The following BMP2K variants were observed in gnomAD, a reference collection of about 807,000 sequenced individuals.
BMP2K encodes BMP2 inducible kinase.
Under a neutral mutation model 116.0 loss-of-function variants are expected in BMP2K, and 74 were observed. The ratio of observed to expected loss-of-function variants is 0.64; its 90% confidence interval spans 0.53 to 0.77. The LOEUF (loss-of-function observed/expected upper bound fraction) is 0.77. Among genes scored for constraint, BMP2K ranks in the 30% least tolerant of loss-of-function variants. The pLI is 0.00. For missense variants in BMP2K, 1,365 were observed against 1,403.6 expected (o/e 0.97, Z 0.44); for synonymous variants, 486 against 502.5 (o/e 0.97, Z 0.44).
chr4:78,871,281 G>C (rs1732344082), intron 11 of BMP2K, among the ~76,000 whole-genome samples: 1 of 152,174 alleles, frequency 6.6e-6, no homozygotes, highest in Non-Finnish European at 1.5e-5. Flanking sequence ...ATGAAGAAAA[G>C]AATGTTCATC....
rs774555300 is a variant in BMP2K at position 78,878,791 on chromosome 4, T to C, written c.1851T>C (p.Asn617=). ...ANFTNQKNIS[N]PPDMSGWNPF... is the part of the protein sequence containing the mutation. ...TCACAAATCAGAAGAACATCAGCAA[T>C]CCACCTGATATGTCAGGGTGGAATC... is the stretch of plus-strand genomic sequence containing the variant. Residue 617 remains asparagine (N), a synonymous_variant, in exon 14 of 16, where the codon AAT becomes AAC. Coordinates refer to ENST00000502613, the MANE Select transcript of BMP2K (RefSeq NM_198892.2). 1 of 1,613,422 alleles carries C rather than the reference T, an allele frequency of 6.2e-7. No homozygotes were observed. Among genetic ancestry groups the C allele is most frequent in the Non-Finnish European group, 8.5e-7 (1 of 1,179,796 alleles).
intron 3 of BMP2K, among the ~76,000 whole-genome samples, chr4:78,840,015 C>T (rs1730680928): frequency 6.6e-6 from 1 of 152,022 alleles, no homozygotes; most frequent in South Asian, 2.1e-4. Context: ...CAGTATTAAC[C>T]ATCACAGTTG....
chr4:78,849,649 G>T (rs1367946780), intron 6 of BMP2K, among the ~76,000 whole-genome samples: 5 of 151,372 alleles, frequency 3.3e-5, no homozygotes, highest in African/African-American at 1.2e-4. Flanking sequence ...ATGTATATGA[G>T]CTGAAAATAT....
chr4:78,804,931 TTTA>T (rs1578481218), intron 1 of BMP2K, among the ~76,000 whole-genome samples: 1 of 150,632 alleles, frequency 6.6e-6, no homozygotes, highest in East Asian at 1.9e-4. Flanking sequence ...TGAATTTTAA[TTTA>T]TTATTTTTTG....
chr4:78,783,895 G>A (rs184911389), intron 1 of BMP2K, among the ~76,000 whole-genome samples: 15 of 152,252 alleles, frequency 9.9e-5, no homozygotes, highest in Non-Finnish European at 1.6e-4. Flanking sequence ...TTAGGCTGTA[G>A]TCAACTATTG....
intron 1 of BMP2K, among the ~76,000 whole-genome samples, chr4:78,822,217 T>G (rs1729652747): frequency 6.6e-6 from 1 of 152,188 alleles, no homozygotes; most frequent in South Asian, 2.1e-4. Context: ...ATTTTTAGAT[T>G]GGCTTAACAA....
At chr4:78,825,834 G>T (rs1414417664) in intron 1 of BMP2K, among the ~76,000 whole-genome samples, 1 of 152,198 alleles carries the variant, frequency 6.6e-6, no homozygotes, top group Non-Finnish European at 1.5e-5. Context: ...CATTCGAGAA[G>T]CATATTTTCC....
At chr4:78,872,554 A>G (rs1006695876) in intron 12 of BMP2K, 60 bp from the exon 13 acceptor site, 28 of 1,454,378 alleles carry the variant, frequency 1.9e-5, no homozygotes, top group Non-Finnish European at 2.6e-5. Flanking sequence ...AAATAGATGC[A>G]GTGCTGACAG....
intron 2 of BMP2K, among the ~76,000 whole-genome samples, chr4:78,827,722 CAG>C (rs1729943416): frequency 6.6e-6 from 1 of 152,162 alleles, no homozygotes; most frequent in East Asian, 1.9e-4. Flanking sequence ...ACCTCAAACA[CAG>C]GGGCTTCCAC....
At chr4:78,781,092 A>AAG (rs1560496384) in intron 1 of BMP2K, among the ~76,000 whole-genome samples, 2 of 152,198 alleles carry the variant, frequency 1.3e-5, no homozygotes, top group Non-Finnish European at 2.9e-5. Flanking sequence ...AATCACATGT[A>AAG]AGAGAGATCC....
chr4:78,872,443 A>G (rs1732411930), intron 12 of BMP2K, 171 bp from the exon 13 acceptor site: 1 of 533,360 alleles, frequency 1.9e-6, no homozygotes, highest in South Asian at 3.9e-5. Context: ...AAAAAGATTT[A>G]TTTCATCTTG....
Position 78,814,924 on chromosome 4 carries a change from T to C in BMP2K, c.179-11113T>C, listed in dbSNP as rs1380004092. Among the ~76,000 whole-genome samples the C allele has an allele frequency of 2.6e-5, 4 of 152,296 alleles. No individual in the cohort carries two copies. The East Asian group carries it at 7.7e-4, about 29-fold the overall frequency. The stretch of plus-strand genomic sequence containing the variant: ...CATAGTGGCTTAATTCTAAGATTCT[T>C]TCATTTGGCTGATTGATAAAGGAGC... On this transcript the variant is annotated intron_variant, in intron 1 of 15. Transcript: ENST00000502613.
Position 78,776,668 on chromosome 4 carries a change from G to T in BMP2K, c.125G>T (p.Arg42Leu). 1 of 1,239,154 alleles carries T rather than the reference G, an allele frequency of 8.1e-7. No homozygotes were observed. Among genetic ancestry groups the T allele is most frequent in the East Asian group, 3.1e-5 (1 of 32,276 alleles). The allele number at this position is 1,239,154 out of a possible 1,614,324, so 76.8% of individuals were successfully genotyped here. Residue 42 changes from arginine (R) to leucine (L), a missense_variant, in exon 1 of 16, where the codon CGG (arginine) becomes CTG (leucine). This residue lies in a region of BMP2K where 762 missense variants were observed against 756.7 expected (regional missense o/e 1.01). Coordinates refer to ENST00000502613, the MANE Select transcript of BMP2K (RefSeq NM_198892.2). ...TCCGGCGGCTCGTCCGTGGGGGTCC[G>T]GGTGTTCGCGGTCGGCCGCCACCAG... Reference protein sequence around the residue: ...CGSGGSSVGVRVFAVGRHQVT... With the variant: ...CGSGGSSVGVLVFAVGRHQVT...
chr4:78,872,695 T>C lies in BMP2K; in HGVS notation c.1690T>C (p.Tyr564His). ...QPSQQQASPE[Y>H]LTSPQEFSPA... ...GTCTCAACAACAGGCATCACCTGAA[T>C]ATCTTACCTCCCCTCAAGAGTTCTC... The change falls in exon 13 of 16, where the codon TAT becomes CAT. Residue 564 changes from tyrosine to histidine, a missense_variant. Physicochemically the swap from Tyr to His is moderately conservative, Grantham distance 83. Transcript: ENST00000502613. 6.2e-7 allele frequency: 1 copy of C among 1,614,146 alleles called. No homozygotes were observed. Among genetic ancestry groups the C allele is most frequent in the Non-Finnish European group, 8.5e-7 (1 of 1,180,002 alleles).
chr4:78,812,880 C>CA (rs1729155975), intron 1 of BMP2K, among the ~76,000 whole-genome samples: 1 of 151,640 alleles, frequency 6.6e-6, no homozygotes, highest in Non-Finnish European at 1.5e-5. Context: ...CCATCTCTAC[C>CA]AAAAAATTAA....
intron 1 of BMP2K, among the ~76,000 whole-genome samples, chr4:78,798,629 T>C (rs1560504384): frequency 6.6e-6 from 1 of 152,240 alleles, no homozygotes; most frequent in Non-Finnish European, 1.5e-5. Context: ...TACTTGGAAT[T>C]CTGACTTGAG....
At position 78,776,476 on chromosome 4, in the gene BMP2K, C is replaced by G. The variant is rs1454958067; in HGVS notation, c.-68C>G. ...GGGGCGGCGACCCCTCGCGGACGCCCGGCTGCGCGCCGGGCCGGGGACTTG... is the reference window on the plus strand; with the variant it reads ...GGGGCGGCGACCCCTCGCGGACGCCGGGCTGCGCGCCGGGCCGGGGACTTG... On this transcript the variant is annotated 5_prime_UTR_variant, in exon 1 of 16. Transcript: ENST00000502613. 2.6e-5 allele frequency: 29 copies of G among 1,107,938 alleles called. No homozygotes were observed. Among genetic ancestry groups the G allele is most frequent in the African/African-American group, 5.0e-5 (3 of 59,970 alleles). 68.6% of individuals were successfully genotyped at this position (1,107,938 alleles called of 1,614,324 possible).
chr4:78,824,068 A>T (rs920460114), intron 1 of BMP2K, among the ~76,000 whole-genome samples: 5 of 152,182 alleles, frequency 3.3e-5, no homozygotes, highest in African/African-American at 1.2e-4. Flanking sequence ...GATTTTACGT[A>T]AAGTACCTTT....
At chr4:78,796,352 C>G (rs1410016319) in intron 1 of BMP2K, among the ~76,000 whole-genome samples, 1 of 127,036 alleles carries the variant, frequency 7.9e-6, no homozygotes, top group African/African-American at 3.1e-5. Context: ...CACATGGACA[C>G]AGGAAGGGGA....
Sources: gnomAD v4.1 joint callset for allele counts (sites outside exome capture counted in the v4.1 genomes callset) on GRCh38, gnomAD v4.1.1 for gene constraint, gnomAD v4.1.1 regional missense constraint, MANE v1.5 for transcripts, NCBI Gene and HGNC (gene_info 2026-07-23, HGNC 2026-07-21) for gene names.